Variants in DNAH1 observed in about 807,000 individuals in gnomAD.
DNAH1 encodes axonemal beta dynein heavy chain 1.
Under a neutral mutation model 484.3 loss-of-function variants are expected in DNAH1, and 327 were observed. The ratio of observed to expected loss-of-function variants is 0.68; its 90% CI spans 0.62 to 0.74. DNAH1 has a LOEUF of 0.74. DNAH1 is among the 30% of genes least tolerant of loss of function. The pLI, the probability that DNAH1 is intolerant of heterozygous loss-of-function variation, is 0.00. For synonymous variants in DNAH1, 2,192 were observed against 2,191.9 expected (o/e 1.00, Z 0.00); for missense variants, 5,052 against 5,546.8 (o/e 0.91, Z 2.83).
rs1303257449 is a variant in DNAH1, at chr3:52,395,407, T to G, written c.11068T>G (p.Phe3690Val). ...AGACCCTGCTGCCGACCTCTACAAG[T>G]TTGCCGAAGAAATGAAGTTCTCCAA... is the stretch of plus-strand genomic sequence containing the variant. ...GTDPAADLYK[F>V]AEEMKFSKKL... Residue 3690 changes from phenylalanine (F) to valine (V), a missense_variant, in exon 69 of 78, where the codon TTT becomes GTT. Transcript: ENST00000420323. The surrounding 1 kb of genome is among the most constrained non-coding windows in gnomAD (Gnocchi z 4.4). 1 of 1,613,684 alleles carries G rather than the reference T, an allele frequency of 6.2e-7. No homozygotes were observed. The highest frequency in any genetic ancestry group is 1.7e-5 in the Admixed American group (1 of 59,980).
At position 52,358,707 on chromosome 3, in the gene DNAH1, C is replaced by T. The variant is rs1299121060; in HGVS notation, c.4236C>T (p.Ile1412=). The T allele has an allele frequency of 6.2e-7, 1 of 1,612,950 alleles. No homozygotes were observed. ...GCATGAAGGCCAGTGTGCACGACATCATTGAGAAGGCCATCAGGGCCTACC... is the reference window on the plus strand; with the variant it reads ...GCATGAAGGCCAGTGTGCACGACATTATTGAGAAGGCCATCAGGGCCTACC... ...ERSMKASVHD[I]IEKAIRAYPT... is the part of the protein sequence containing the mutation. The change falls in exon 25 of 78, where the codon ATC becomes ATT. Residue 1412 remains isoleucine, a synonymous_variant. Coordinates refer to ENST00000420323, the MANE Select transcript of DNAH1 (RefSeq NM_015512.5). The surrounding 1 kb of genome is among the most constrained non-coding windows in gnomAD (Gnocchi z 4.2).
chr3:52,352,348 G>C (rs181303516), intron 17 of DNAH1, among the ~76,000 whole-genome samples: 1 of 152,236 alleles, frequency 6.6e-6, no homozygotes, highest in Non-Finnish European at 1.5e-5. Context: ...GTCCTTGGCG[G>C]CCTACTGGGC....
chr3:52,388,357 G>A (rs1326022274), intron 57 of DNAH1, 23 bp downstream of exon 57: 3 of 1,600,198 alleles, frequency 1.9e-6, no homozygotes, highest in Non-Finnish European at 1.7e-6. Context: ...TGGAGCTGGT[G>A]GGGGAGGGCT....
intron 9 of DNAH1, among the ~76,000 whole-genome samples, chr3:52,345,174 G>A (rs565912742): frequency 2.0e-5 from 3 of 152,304 alleles, no homozygotes; most frequent in Admixed American, 2.0e-4. Flanking sequence ...AGGGCAGGCT[G>A]TGGACAGACC....
chr3:52,384,900 A>G lies in DNAH1; in HGVS notation c.8437A>G (p.Ile2813Val). 11 of 1,613,604 alleles carry G rather than the reference A, an allele frequency of 6.8e-6. No individual in the cohort carries two copies. Among genetic ancestry groups the G allele is most frequent in the Non-Finnish European group, 8.5e-6 (10 of 1,179,754 alleles). The change falls in exon 53 of 78, where the codon ATT becomes GTT. Residue 2813 changes from isoleucine (I) to valine (V), a missense_variant. Physicochemically the swap from Ile to Val is conservative, Grantham distance 29. Transcript: ENST00000420323. ...TPKSYLELLHIFSILIGQKKL... is the reference protein window; with the variant it reads ...TPKSYLELLHVFSILIGQKKL... ...CAAGAGCTACTTGGAGCTGCTTCAT[A>G]TTTTCTCCATCCTCATCGGGCAGAA... is the stretch of plus-strand genomic sequence containing the variant.
At chr3:52,314,401 T>C (rs563984243), upstream of DNAH1, among the ~76,000 whole-genome samples, 10 of 152,208 alleles carry the variant, frequency 6.6e-5, 1 homozygote, top group African/African-American at 1.2e-4. Flanking sequence ...CACCCTCAGA[T>C]GGAGGTCAGA....
chr3:52,373,998 C>A, intron 44 of DNAH1: 1 of 1,091,372 alleles, frequency 9.2e-7, no homozygotes, highest in Non-Finnish European at 1.4e-6. Flanking sequence ...TTTTTAGAGT[C>A]TGCAGATTTC....
At chr3:52,339,672 C>A (rs557262565) in intron 8 of DNAH1, among the ~76,000 whole-genome samples, 9 of 152,234 alleles carry the variant, frequency 5.9e-5, no homozygotes, top group African/African-American at 2.2e-4. Flanking sequence ...CAAATGTAGA[C>A]GGTGTTCACC....
chr3:52,365,160 C>T (rs962568429), intron 34 of DNAH1, 141 bp downstream of exon 34: 5 of 1,229,152 alleles, frequency 4.1e-6, no homozygotes, highest in Non-Finnish European at 3.3e-6. Flanking sequence ...GGCTCTCAGC[C>T]GAGCAATCCA....
intron 5 of DNAH1, 53 bp from the exon 6 acceptor site, chr3:52,327,829 T>C: frequency 6.2e-7 from 1 of 1,602,112 alleles, no homozygotes; most frequent in Non-Finnish European, 8.5e-7. Flanking sequence ...CAGTCCCACC[T>C]GGGCCCCACT....
At chr3:52,322,876 T>C in intron 2 of DNAH1, 101 bp downstream of exon 2, 6 of 1,039,600 alleles carry the variant, frequency 5.8e-6, no homozygotes, top group South Asian at 1.4e-5. Flanking sequence ...CATCTGTTCA[T>C]TTAGCTGTCT....
intron 1 of DNAH1, among the ~76,000 whole-genome samples, 191 bp from the exon 2 acceptor site, chr3:52,322,218 A>G (rs1701173903): frequency 6.6e-6 from 1 of 151,760 alleles, no homozygotes; most frequent in African/African-American, 2.4e-5. Context: ...GCCCCACCCC[A>G]TCTCCTGGTG....
rs769746669 is a variant in DNAH1, at chr3:52,326,324, G to A, written c.581+10G>A. 12 of 1,600,472 alleles carry A rather than the reference G, an allele frequency of 7.5e-6. No individual in the cohort carries two copies. In the African/African-American group the frequency reaches 1.1e-4, roughly 14 times the overall value. ...AGATTGAGATCGAGAGGTACGGCTGGGTGGGCTGTGGGGAGACTGTCGGGG... is the reference window on the plus strand; with the variant it reads ...AGATTGAGATCGAGAGGTACGGCTGAGTGGGCTGTGGGGAGACTGTCGGGG... On this transcript the variant is annotated intron_variant, in intron 4 of 77. Transcript: ENST00000420323.
Position 52,352,048 on chromosome 3 carries a change from G to C in DNAH1, c.2816G>C (p.Arg939Pro). Residue 939 changes from arginine (R) to proline (P), a missense_variant, in exon 17 of 78, where the codon CGC becomes CCC. This residue lies in a region of DNAH1 where 1,263 missense variants were observed against 1,218.8 expected (regional missense o/e 1.04). Transcript: ENST00000420323. ...QQHVEDEEKF[R>P]KIQIMDQNNF... ...CATGTGGAGGATGAGGAGAAGTTCC[G>C]CAAAATCCAGATCATGGATCAGAAC... 6.3e-7 allele frequency: 1 copy of C among 1,590,830 alleles called. No homozygotes were observed. The highest frequency in any genetic ancestry group is 8.6e-7 in the Non-Finnish European group (1 of 1,168,838).
intron 10 of DNAH1, among the ~76,000 whole-genome samples, chr3:52,346,174 A>T (rs1578110805): frequency 6.6e-6 from 1 of 151,872 alleles, no homozygotes; most frequent in Non-Finnish European, 1.5e-5. Context: ...TGCTTCTCTC[A>T]TCTCAATCTC....
At chr3:52,383,793 T>TGGGTCCTG in intron 51 of DNAH1, 67 bp from the exon 52 acceptor site, 1 of 1,505,112 alleles carries the variant, frequency 6.6e-7, no homozygotes. Context: ...GCAAGGGCCC[T>TGGGTCCTG]GGGTCCTGGG....
At chr3:52,385,967 C>G (rs1441352613) in intron 54 of DNAH1, among the ~76,000 whole-genome samples, 193 bp from the exon 55 acceptor site, 1 of 152,188 alleles carries the variant, frequency 6.6e-6, no homozygotes, top group Non-Finnish European at 1.5e-5. Flanking sequence ...TTGTAAGGCC[C>G]CAAGCCACAC....
At chr3:52,315,171 C>T (rs999035202), upstream of DNAH1, among the ~76,000 whole-genome samples, 8 of 152,144 alleles carry the variant, frequency 5.3e-5, no homozygotes, top group Admixed American at 3.9e-4. Flanking sequence ...TGACACCCCC[C>T]GCCCCCGATG....
At chr3:52,312,338 G>A (rs544507021), upstream of DNAH1, among the ~76,000 whole-genome samples, 6 of 152,178 alleles carry the variant, frequency 3.9e-5, no homozygotes, top group South Asian at 6.2e-4. Context: ...TTTCAGGGCC[G>A]CATCTGTTGG....
Sources: gnomAD v4.1 joint callset for allele counts (sites outside exome capture counted in the v4.1 genomes callset) on GRCh38, gnomAD v4.1.1 for gene constraint, gnomAD v4.1.1 regional missense constraint, Gnocchi (gnomAD v3.1) non-coding constraint, MANE v1.5 for transcripts, NCBI Gene and HGNC (gene_info 2026-07-23, HGNC 2026-07-21) for gene names.